The following RAPGEF4 variants were observed in gnomAD, a reference collection of about 807,000 sequenced individuals.
RAPGEF4 encodes the protein RAP guanine-nucleotide-exchange factor (GEF) 4.
In RAPGEF4, 66 loss-of-function variants were observed where a neutral mutation model predicts 147.9. The ratio of observed to expected loss-of-function variants is 0.45; its 90% CI spans 0.37 to 0.55. The LOEUF is 0.55. Among genes scored for constraint, RAPGEF4 ranks in the 20% least tolerant of loss-of-function variants. The pLI is 0.00. For synonymous variants in RAPGEF4, 419 were observed against 442.7 expected (o/e 0.95, Z 0.67); for missense variants, 1,071 against 1,257.3 (o/e 0.85, Z 2.24).
Position 172,822,124 on chromosome 2 carries a change from G to C in RAPGEF4, c.444+7699G>C, listed in dbSNP as rs1236688407. 3.0e-6 allele frequency: 3 copies of C among 998,562 alleles called. No homozygotes were observed. The African/African-American group carries it at 5.0e-5, about 17-fold the overall frequency. 61.9% of individuals were successfully genotyped at this position (998,562 alleles called of 1,614,324 possible). A position where few individuals can be genotyped will look rare whatever the true frequency, so the allele number is the denominator to read the frequency against. The stretch of plus-strand genomic sequence containing the variant: ...AGACCCAAATATGTACCATGGCAGG[G>C]ACATAATTTGATTTCATCTTTGTTT... On this transcript the variant is annotated intron_variant, in intron 4 of 30. Coordinates refer to ENST00000397081, the MANE Select transcript of RAPGEF4 (RefSeq NM_007023.4).
At position 172,917,998 on chromosome 2, in the gene RAPGEF4, A is replaced by G. The variant is rs570700312; in HGVS notation, c.517+124A>G. 83 of 837,360 alleles carry G rather than the reference A, an allele frequency of 9.9e-5. 2 individuals are homozygous for G. In the South Asian group the frequency reaches 1.1e-3, roughly 11 times the overall value. 51.9% of individuals were successfully genotyped at this position (837,360 alleles called of 1,614,324 possible). ...AGTCTCCAGACTCTTTTGTGGATAAACAAACCTGCCAGCTCACACTGGAGA... is the reference window on the plus strand; with the variant it reads ...AGTCTCCAGACTCTTTTGTGGATAAGCAAACCTGCCAGCTCACACTGGAGA... On this transcript the variant is annotated intron_variant, in intron 5 of 30. Coordinates refer to ENST00000397081, the MANE Select transcript of RAPGEF4 (RefSeq NM_007023.4).
At chr2:173,048,724 A>G in intron 30 of RAPGEF4, 70 bp downstream of exon 30, 1 of 1,610,592 alleles carries the variant, frequency 6.2e-7, no homozygotes, top group East Asian at 2.2e-5. Flanking sequence ...GAGGCCATTG[A>G]GACACCCTTG....
intron 29 of RAPGEF4, among the ~76,000 whole-genome samples, chr2:173,046,630 A>T (rs950743281): frequency 1.3e-5 from 2 of 152,234 alleles, no homozygotes; most frequent in Non-Finnish European, 2.9e-5. Context: ...GGAAGTTATC[A>T]TAGTTACTAT....
At chr2:172,986,898 C>G (rs1692320231) in intron 12 of RAPGEF4, among the ~76,000 whole-genome samples, 1 of 152,104 alleles carries the variant, frequency 6.6e-6, no homozygotes, top group Admixed American at 6.6e-5. Flanking sequence ...AGGGTTTCAC[C>G]TAGTTGGCAG....
chr2:172,749,779 GCT>G (rs1559021202), intron 1 of RAPGEF4, among the ~76,000 whole-genome samples: 1 of 152,080 alleles, frequency 6.6e-6, no homozygotes, highest in East Asian at 1.9e-4. Flanking sequence ...GAACTTTTAT[GCT>G]CTGTTTCCCT....
intron 4 of RAPGEF4, among the ~76,000 whole-genome samples, chr2:172,859,497 A>G (rs1392949762): frequency 6.6e-6 from 1 of 152,246 alleles, no homozygotes; most frequent in African/African-American, 2.4e-5. Context: ...GTTTGTTGAT[A>G]GCAGGTTGCA....
In RAPGEF4 at chr2:172,907,156, C is replaced by G. The variant is rs1045935393; in HGVS notation, c.445-10646C>G. Among the ~76,000 whole-genome samples the G allele has an allele frequency of 2.6e-4, 39 of 152,180 alleles. 1 individual carries two copies. The highest frequency in any genetic ancestry group is 7.3e-5 in the Non-Finnish European group (5 of 68,040). The stretch of plus-strand genomic sequence containing the variant: ...GACAATTGATTGGCTGTGAGGTAGA[C>G]CAGGTTTCAACCTTTCTAAGACTGT... On this transcript the variant is annotated intron_variant, in intron 4 of 30. Transcript: ENST00000397081.
At chr2:172,764,095 TAA>T (rs904385991) in intron 1 of RAPGEF4, among the ~76,000 whole-genome samples, 1 of 150,692 alleles carries the variant, frequency 6.6e-6, no homozygotes, top group African/African-American at 2.4e-5. Flanking sequence ...TCTACAAAAA[TAA>T]AAAAAAATTA....
At chr2:172,788,334 A>G (rs1021867891) in intron 1 of RAPGEF4, among the ~76,000 whole-genome samples, 10 of 152,216 alleles carry the variant, frequency 6.6e-5, no homozygotes, top group African/African-American at 2.4e-4. Context: ...CCAAAAAGAG[A>G]TGTTATCAAT....
intron 4 of RAPGEF4, among the ~76,000 whole-genome samples, chr2:172,911,598 A>G (rs1700095682): frequency 6.6e-6 from 1 of 152,024 alleles, no homozygotes; most frequent in African/African-American, 2.4e-5. Context: ...AGCTGGAATT[A>G]TAGGCGTGTA....
At chr2:172,792,018 A>C (rs1685876299) in intron 1 of RAPGEF4, among the ~76,000 whole-genome samples, 1 of 152,216 alleles carries the variant, frequency 6.6e-6, no homozygotes, top group African/African-American at 2.4e-5. Context: ...ATGTCCAGTC[A>C]GTTTCTAGCT....
chr2:172,777,458 G>C (rs993429832), intron 1 of RAPGEF4, among the ~76,000 whole-genome samples: 4 of 152,020 alleles, frequency 2.6e-5, no homozygotes, highest in African/African-American at 9.7e-5. Context: ...TAGAAGTGCT[G>C]TATCTCTCAG....
chr2:172,913,957 A>G (rs536991513), intron 4 of RAPGEF4, among the ~76,000 whole-genome samples: 32 of 152,326 alleles, frequency 2.1e-4, no homozygotes, highest in African/African-American at 7.5e-4. Flanking sequence ...ATCTTTATGT[A>G]TATTCACACA....
chr2:172,994,901 AGC>A (rs1320686433), intron 15 of RAPGEF4, among the ~76,000 whole-genome samples: 1 of 152,018 alleles, frequency 6.6e-6, no homozygotes, highest in Admixed American at 6.6e-5. Flanking sequence ...TAGGCTCCAA[AGC>A]CAGGTTTCCT....
At chr2:173,003,020 GT>G (rs1026286720) in intron 17 of RAPGEF4, among the ~76,000 whole-genome samples, 1 of 151,870 alleles carries the variant, frequency 6.6e-6, no homozygotes, top group African/African-American at 2.4e-5. Flanking sequence ...TTTAGACTTG[GT>G]TTTTTTTAGC....
At chr2:172,880,753 G>GT (rs766951184) in intron 4 of RAPGEF4, among the ~76,000 whole-genome samples, 4 of 152,204 alleles carry the variant, frequency 2.6e-5, no homozygotes, top group Non-Finnish European at 5.9e-5. Context: ...TTGTGCCTCA[G>GT]TTTCCTCCTC....
chr2:172,866,091 A>G (rs1479627487), intron 4 of RAPGEF4, among the ~76,000 whole-genome samples: 2 of 152,110 alleles, frequency 1.3e-5, no homozygotes, highest in Non-Finnish European at 2.9e-5. Context: ...CTGAGTGTAC[A>G]TGGGCTTCTA....
At chr2:172,974,249 A>C (rs1359521325) in intron 10 of RAPGEF4, among the ~76,000 whole-genome samples, 1 of 152,220 alleles carries the variant, frequency 6.6e-6, no homozygotes, top group Non-Finnish European at 1.5e-5. Context: ...GATTCAACTC[A>C]GATCTGCCTG....
chr2:172,809,770 C>A (rs1687847381), intron 3 of RAPGEF4, among the ~76,000 whole-genome samples: 1 of 152,124 alleles, frequency 6.6e-6, no homozygotes, highest in Admixed American at 6.6e-5. Flanking sequence ...TGGCTTCAAG[C>A]AAGCCCCTCA....
Sources: gnomAD v4.1 joint callset for allele counts (sites outside exome capture counted in the v4.1 genomes callset) on GRCh38, gnomAD v4.1.1 for gene constraint, MANE v1.5 for transcripts, NCBI Gene and HGNC (gene_info 2026-07-23, HGNC 2026-07-21) for gene names.